Variants in ZC4H2 observed in about 807,000 individuals in gnomAD.
ZC4H2 encodes the protein zinc finger C4H2-type containing.
For missense variants in ZC4H2, 137 were observed against 173.9 expected, an observed-to-expected ratio of 0.79 and a Z score of 1.19; for synonymous variants, 84 against 66.3, an observed-to-expected ratio of 1.27 and a Z score of -1.30.
chrX:64,944,888 A>G (rs1930457649), intron 1 of ZC4H2, among the ~76,000 whole-genome samples: 1 of 112,262 alleles, frequency 8.9e-6, no homozygotes, highest in African/African-American at 3.2e-5. Context: ...ATTCTTGCGC[A>G]TGCTTCATGA....
In ZC4H2 at chrX:64,939,768, T is replaced by C. The variant is rs759954399; in HGVS notation, c.54-17780A>G. On this transcript the variant is annotated intron_variant, in intron 1 of 4. Coordinates refer to ENST00000374839, the MANE Select transcript of ZC4H2 (RefSeq NM_018684.4). ...AACTCGACCCCTTACTTACACCTTA[T>C]ACAAAGATTTACTCAAGATGGATGA... is the stretch of plus-strand genomic sequence containing the variant. Among the ~76,000 whole-genome samples the C allele has an allele frequency of 3.6e-5, 4 of 111,861 alleles. No homozygotes were observed. The South Asian group carries it at 1.1e-3, about 31-fold the overall frequency.
At chrX:64,975,515 C>T (rs1456258916) in intron 1 of ZC4H2, among the ~76,000 whole-genome samples, 2 of 112,128 alleles carry the variant, frequency 1.8e-5, no homozygotes, top group African/African-American at 6.5e-5. Context: ...CAGGGGCTCA[C>T]GCTGAGAAGG....
chrX:64,925,047 G>A (rs1000370453), intron 1 of ZC4H2, among the ~76,000 whole-genome samples: 2 of 111,281 alleles, frequency 1.8e-5, no homozygotes, highest in African/African-American at 6.5e-5. Context: ...GATTAAATGA[G>A]CTAAGACATG....
At chrX:65,001,681 C>T (rs952573627) in intron 1 of ZC4H2, among the ~76,000 whole-genome samples, 3 of 111,316 alleles carry the variant, frequency 2.7e-5, no homozygotes, top group Admixed American at 9.5e-5. Context: ...TATTGATGTG[C>T]GATATTCAGG....
intron 1 of ZC4H2, among the ~76,000 whole-genome samples, chrX:65,029,845 A>G (rs1052119935): frequency 9.0e-6 from 1 of 110,539 alleles, no homozygotes; most frequent in African/African-American, 3.3e-5. Flanking sequence ...GTCATCTGCC[A>G]TAGTGGAGAA....
chrX:64,976,479 A>C, upstream of ZC4H2: 1 of 934,086 alleles, frequency 1.1e-6, no homozygotes, highest in Non-Finnish European at 1.5e-6. Context: ...TGGGGCTATG[A>C]GCCTGTGCGG....
intron 1 of ZC4H2, among the ~76,000 whole-genome samples, chrX:65,015,829 G>A (rs927367670): frequency 5.4e-5 from 6 of 111,177 alleles, no homozygotes; most frequent in Non-Finnish European, 1.1e-4. Context: ...CAGGAACCAC[G>A]TGTCTTCATC....
intron 1 of ZC4H2, among the ~76,000 whole-genome samples, chrX:65,019,443 G>A (rs999266529): frequency 8.9e-6 from 1 of 112,225 alleles, no homozygotes; most frequent in Non-Finnish European, 1.9e-5. Context: ...CAGCAGAGGG[G>A]CCTGACTGTT....
At chrX:64,932,197 C>T (rs1929786855) in intron 1 of ZC4H2, among the ~76,000 whole-genome samples, 1 of 110,448 alleles carries the variant, frequency 9.1e-6, no homozygotes, top group East Asian at 2.8e-4. Context: ...TTTTGGTTTC[C>T]ATTTGTGTGG....
At chrX:64,987,611 T>A (rs1932215206) in intron 1 of ZC4H2, among the ~76,000 whole-genome samples, 1 of 109,992 alleles carries the variant, frequency 9.1e-6, no homozygotes, top group African/African-American at 3.3e-5. Flanking sequence ...GATGATGGAT[T>A]TAAATGTAAA....
chrX:64,965,422 C>A lies in ZC4H2; in HGVS notation c.53+10903G>T, dbSNP rs186485867. 3 of 308,909 alleles carry A rather than the reference C, an allele frequency of 9.7e-6. 1 individual carries two copies. The Admixed American group carries it at 1.1e-4, about 11-fold the overall frequency. 25.5% of individuals were successfully genotyped at this position (308,909 alleles called of 1,213,427 possible). A position where few individuals can be genotyped will look rare whatever the true frequency, so the allele number is the denominator to read the frequency against. Reference sequence around the variant, plus strand: ...AAATGATAGTGAAACAGCTGAACATCCAAATGCAAAAGAAAATCCTTAACC... The same window carrying A: ...AAATGATAGTGAAACAGCTGAACATACAAATGCAAAAGAAAATCCTTAACC... On this transcript the variant is annotated intron_variant, in intron 1 of 4. Transcript: ENST00000374839.
chrX:64,969,421 G>T (rs1346686074), intron 1 of ZC4H2, among the ~76,000 whole-genome samples: 1 of 111,880 alleles, frequency 8.9e-6, no homozygotes, highest in Non-Finnish European at 1.9e-5. Context: ...GCTGGGACCT[G>T]TAGGCCTTGA....
chrX:64,998,852 C>G (rs1456202975), intron 1 of ZC4H2, among the ~76,000 whole-genome samples: 1 of 109,492 alleles, frequency 9.1e-6, no homozygotes, highest in Non-Finnish European at 1.9e-5. Flanking sequence ...TTAATATATA[C>G]TATTTTTCTT....
chrX:64,985,622 G>T, intron 1 of ZC4H2, among the ~76,000 whole-genome samples: 1 of 111,454 alleles, frequency 9.0e-6, no homozygotes, highest in Admixed American at 9.6e-5. Context: ...TACAATGTGC[G>T]CTGTGTTATA....
chrX:64,980,515 A>G (rs1387407805), upstream of ZC4H2, among the ~76,000 whole-genome samples: 1 of 112,083 alleles, frequency 8.9e-6, no homozygotes, highest in African/African-American at 3.2e-5. Flanking sequence ...AATTCATGCA[A>G]ACAGCCAACA....
chrX:64,921,825 T>C lies in ZC4H2; in HGVS notation c.217A>G (p.Ile73Val). The change falls in exon 2 of 5, where the codon ATC becomes GTC. Residue 73 changes from isoleucine (I) to valine (V), a missense_variant. Coordinates refer to ENST00000374839, the MANE Select transcript of ZC4H2 (RefSeq NM_018684.4). ...TCCAGGCAGCCACGTACCACATTGA[T>C]GTCAGCGTGGATCAGTCGGAGTTCC... ...VEELRLIHAD[I>V]NVMENTIKQS... 1 of 1,210,382 alleles carries C rather than the reference T, an allele frequency of 8.3e-7. No individual in the cohort carries two copies.
intron 1 of ZC4H2, among the ~76,000 whole-genome samples, chrX:65,000,811 T>C (rs1932521163): frequency 8.9e-6 from 1 of 111,871 alleles, no homozygotes; most frequent in South Asian, 3.8e-4. Flanking sequence ...AATAGCTGAA[T>C]TGATCAGCAG....
chrX:65,020,703 C>T (rs1012771762), intron 1 of ZC4H2, among the ~76,000 whole-genome samples: 10 of 111,460 alleles, frequency 9.0e-5, no homozygotes, highest in Non-Finnish European at 1.5e-4. Flanking sequence ...TAAAAGTAAA[C>T]GAGCTAAATG....
chrX:65,031,709 C>T (rs1178751488), intron 1 of ZC4H2, among the ~76,000 whole-genome samples: 4 of 111,764 alleles, frequency 3.6e-5, no homozygotes, highest in African/African-American at 1.3e-4. Flanking sequence ...TTATAATGCA[C>T]ACATATTTCC....
Sources: allele counts gnomAD v4.1 joint callset (sites outside exome capture counted in the v4.1 genomes callset), GRCh38; gene constraint gnomAD v4.1.1; transcripts MANE v1.5; gene names NCBI Gene and HGNC (gene_info 2026-07-23, HGNC 2026-07-21).